RIMBP2: variants seen among roughly 807,000 people sequenced by gnomAD.
RIMBP2 encodes the protein RIMS-binding protein 2.
RIMBP2 carries 48 observed loss-of-function variants against 118.6 expected under a neutral mutation model. That is an observed-to-expected ratio of 0.40 (90% CI 0.32 to 0.51). The LOEUF is 0.51. RIMBP2 is among the 20% of genes least tolerant of loss of function. The pLI is 0.41. For synonymous variants in RIMBP2, 762 were observed against 742.9 expected, an observed-to-expected ratio of 1.03 and a Z score of -0.42; for missense variants, 1,551 against 1,768.3, an observed-to-expected ratio of 0.88 and a Z score of 2.20.
In RIMBP2 at chr12:130,469,909, C is replaced by T. The variant is rs2080851569; in HGVS notation, c.153+784G>A. ...TGACTTCGGCAGGTGGGGGCCCCAG[C>T]TCACTGTAGCCCAGCCACTGTGCAT... On this transcript the variant is annotated intron_variant, in intron 6 of 22. Transcript: ENST00000690449. The surrounding 1 kb of genome is among the most constrained non-coding windows in gnomAD (Gnocchi z 4.8). Among the ~76,000 whole-genome samples the T allele has an allele frequency of 6.6e-6, 1 of 152,194 alleles. No homozygotes were observed. The highest frequency in any genetic ancestry group is 2.1e-4 in the South Asian group (1 of 4,834).
At position 130,420,215 on chromosome 12, in the gene RIMBP2, T is replaced by C. The variant is rs2076331911; in HGVS notation, c.3238+2238A>G. Among the ~76,000 whole-genome samples the C allele has an allele frequency of 6.6e-6, 1 of 152,220 alleles. No individual in the cohort carries two copies. Among genetic ancestry groups the C allele is most frequent in the African/African-American group, 2.4e-5 (1 of 41,456 alleles). On this transcript the variant is annotated intron_variant, in intron 17 of 22. Transcript: ENST00000690449. This position sits in a 1 kb window ranked among gnomAD's most constrained non-coding sequence, Gnocchi z 4.3. ...CAGGTGGGTGATAAGCACCCTCCGCTTCTGTTTCCTTTTGAAACCATAATA... is the reference window on the plus strand; with the variant it reads ...CAGGTGGGTGATAAGCACCCTCCGCCTCTGTTTCCTTTTGAAACCATAATA...
intron 12 of RIMBP2, 146 bp downstream of exon 12, chr12:130,438,219 G>A (rs191425592): frequency 1.5e-4 from 122 of 838,874 alleles, no homozygotes; most frequent in Non-Finnish European, 1.9e-4. Flanking sequence ...TGGGGTTCAC[G>A]CTGATGGAGT....
chr12:130,664,417 A>ACGCACG (rs1566439003), intron 1 of RIMBP2, among the ~76,000 whole-genome samples: 1 of 80,052 alleles, frequency 1.2e-5, no homozygotes, highest in African/African-American at 4.2e-5. Flanking sequence ...GCACGCACAC[A>ACGCACG]CACGCACACA....
intron 1 of RIMBP2, among the ~76,000 whole-genome samples, chr12:130,695,773 G>T (rs983882776): frequency 1.3e-5 from 2 of 152,106 alleles, no homozygotes; most frequent in Admixed American, 6.5e-5. Context: ...TGAAGGGCAG[G>T]CTGGTCTGGA....
At chr12:130,429,463 G>C (rs1039789438) in intron 14 of RIMBP2, 1 of 152,158 alleles carries the variant, frequency 6.6e-6, no homozygotes, top group Non-Finnish European at 1.5e-5. Flanking sequence ...CGTGGTAACG[G>C]TATTCAAAGC....
intron 2 of RIMBP2, among the ~76,000 whole-genome samples, chr12:130,562,939 A>G (rs182626353): frequency 1.3e-5 from 2 of 152,242 alleles, no homozygotes; most frequent in Admixed American, 6.5e-5. Context: ...TGCATTTAAT[A>G]AAATCTAAGC....
At chr12:130,551,557 T>A (rs965651633) in intron 2 of RIMBP2, among the ~76,000 whole-genome samples, 11 of 152,120 alleles carry the variant, frequency 7.2e-5, no homozygotes, top group Admixed American at 2.0e-4. Flanking sequence ...GATTTCTTTT[T>A]TTTCTTATCT....
At chr12:130,686,488 G>C (rs1045784875) in intron 1 of RIMBP2, among the ~76,000 whole-genome samples, 2 of 152,216 alleles carry the variant, frequency 1.3e-5, no homozygotes, top group Non-Finnish European at 2.9e-5. Context: ...AGGCACACCG[G>C]AGTCACGTTG....
intron 2 of RIMBP2, among the ~76,000 whole-genome samples, chr12:130,559,656 G>A (rs1001165860): frequency 1.3e-5 from 2 of 152,336 alleles, no homozygotes; most frequent in African/African-American, 4.8e-5. Context: ...GGTGGGCTGG[G>A]ACTGCGTGCA....
chr12:130,413,255 C>G (rs1203227551), intron 18 of RIMBP2, among the ~76,000 whole-genome samples: 2 of 152,184 alleles, frequency 1.3e-5, no homozygotes, highest in South Asian at 4.1e-4. Flanking sequence ...AAACTGCAAA[C>G]AGGGTTCAAG....
At chr12:130,528,761 C>T (rs139087820) in intron 2 of RIMBP2, among the ~76,000 whole-genome samples, 18 of 152,270 alleles carry the variant, frequency 1.2e-4, no homozygotes, top group African/African-American at 4.3e-4. Context: ...AAAGGGAACT[C>T]TTTTCTACCA....
At chr12:130,454,274 C>A (rs1434778968) in intron 7 of RIMBP2, among the ~76,000 whole-genome samples, 2 of 152,182 alleles carry the variant, frequency 1.3e-5, no homozygotes, top group East Asian at 3.9e-4. Flanking sequence ...TTCTAATTAT[C>A]CACTATACCT....
chr12:130,505,315 C>T (rs965423763), intron 4 of RIMBP2, among the ~76,000 whole-genome samples: 16 of 152,090 alleles, frequency 1.1e-4, no homozygotes, highest in African/African-American at 3.1e-4. Flanking sequence ...ATGGAATCCA[C>T]ATGCCATGAA....
chr12:130,456,030 G>A (rs753693797), intron 7 of RIMBP2, among the ~76,000 whole-genome samples: 9 of 152,160 alleles, frequency 5.9e-5, no homozygotes, highest in Non-Finnish European at 1.3e-4. Context: ...TTCCAAGCAC[G>A]TCCCAACATC....
chr12:130,482,344 G>C (rs1304011108), intron 4 of RIMBP2, among the ~76,000 whole-genome samples: 2 of 152,190 alleles, frequency 1.3e-5, no homozygotes, highest in African/African-American at 4.8e-5. Flanking sequence ...CAAGAAGCTG[G>C]GGACACAGAA....
At chr12:130,566,855 A>G (rs917208622) in intron 2 of RIMBP2, among the ~76,000 whole-genome samples, 6 of 152,270 alleles carry the variant, frequency 3.9e-5, no homozygotes, top group African/African-American at 1.2e-4. Flanking sequence ...ACTAAGCAAT[A>G]CCATGCTGCT....
At chr12:130,412,886 T>A in intron 18 of RIMBP2, 99 bp from the exon 19 acceptor site, 1 of 1,122,092 alleles carries the variant, frequency 8.9e-7, no homozygotes, top group Non-Finnish European at 1.2e-6. Context: ...AAAATATATT[T>A]TAAATATAGT....
At chr12:130,467,426 C>T (rs1427099442) in intron 6 of RIMBP2, among the ~76,000 whole-genome samples, 3 of 152,238 alleles carry the variant, frequency 2.0e-5, no homozygotes, top group East Asian at 1.9e-4. Context: ...GGAACTGACT[C>T]AGTGCAAGAG....
rs2076602462 is a variant in RIMBP2 at position 130,424,132 on chromosome 12, G to C, written c.3129+10C>G. 2 of 1,221,018 alleles carry C rather than the reference G, an allele frequency of 1.6e-6. No homozygotes were observed. Among genetic ancestry groups the C allele is most frequent in the Non-Finnish European group, 1.0e-6 (1 of 977,956 alleles). 75.6% of individuals were successfully genotyped at this position (1,221,018 alleles called of 1,614,324 possible). Reference sequence around the variant, plus strand: ...CAAGCGGCTGTGAAAAGGAAGTTTAGGTCACACACCAGGGGGCCTTGTGCG... The same window carrying C: ...CAAGCGGCTGTGAAAAGGAAGTTTACGTCACACACCAGGGGGCCTTGTGCG... On this transcript the variant is annotated intron_variant, in intron 16 of 22. Coordinates refer to ENST00000690449, the MANE Select transcript of RIMBP2 (RefSeq NM_001393629.1). This position sits in a 1 kb window ranked among gnomAD's most constrained non-coding sequence, Gnocchi z 9.8.
Sources: gnomAD v4.1 joint callset for allele counts (sites outside exome capture counted in the v4.1 genomes callset) on GRCh38, gnomAD v4.1.1 for gene constraint, Gnocchi (gnomAD v3.1) non-coding constraint, MANE v1.5 for transcripts, NCBI Gene and HGNC (gene_info 2026-07-23, HGNC 2026-07-21) for gene names.